Variants in TSR1 observed in about 807,000 individuals in gnomAD.
TSR1 encodes the protein TSR1 ribosome maturation factor.
A neutral mutation model predicts 90.9 loss-of-function variants in TSR1; 81 were observed. The observed-to-expected ratio is 0.89, with a 90% CI of 0.74 to 1.07. TSR1 has a LOEUF of 1.07. Ranked by LOEUF, TSR1 falls within the 50% of genes least tolerant of loss-of-function variation. The pLI is 0.00. For missense variants in TSR1, 989 were observed against 987.3 expected, an observed-to-expected ratio of 1.00 and a Z score of -0.02; for synonymous variants, 362 against 348.8, an observed-to-expected ratio of 1.04 and a Z score of -0.42.
chr17:2,329,960 C>T (rs1276974586), intron 10 of TSR1, among the ~76,000 whole-genome samples: 1 of 151,944 alleles, frequency 6.6e-6, no homozygotes, highest in African/African-American at 2.4e-5. Context: ...GCTCTTGTTG[C>T]CCAGGCTGGA....
Position 2,335,659 on chromosome 17 carries a change from G to A in TSR1, c.273C>T (p.His91=). Residue 91 remains histidine (H), a synonymous_variant, in exon 3 of 15, where the codon CAC becomes CAT. Coordinates refer to ENST00000301364, the MANE Select transcript of TSR1 (RefSeq NM_018128.5). The part of the protein sequence containing the change: ...PPHQVLVVPL[H]SRISLPEAMQ... The stretch of plus-strand genomic sequence containing the variant: ...TGGCCTCTGGCAGGGAAATTCTGCT[G>A]TGCAGGGGCACCACCAGTACCTGAT... 1 of 1,614,120 alleles carries A rather than the reference G, an allele frequency of 6.2e-7. No individual in the cohort carries two copies. Among genetic ancestry groups the A allele is most frequent in the Non-Finnish European group, 8.5e-7 (1 of 1,180,032 alleles).
At chr17:2,330,749 G>T in intron 9 of TSR1, 124 bp from the exon 10 acceptor site, 1 of 1,136,346 alleles carries the variant, frequency 8.8e-7, no homozygotes, top group Non-Finnish European at 1.3e-6. Context: ...CATCCTTCAA[G>T]ATGCTTCATT....
intron 10 of TSR1, chr17:2,330,139 G>A (rs890514062): frequency 2.4e-5 from 10 of 412,640 alleles, no homozygotes; most frequent in Admixed American, 5.7e-5. Flanking sequence ...GGCTGGTCTC[G>A]AACTCCCGAC....
chr17:2,328,321 C>T (rs1338062317), intron 11 of TSR1, among the ~76,000 whole-genome samples: 2 of 150,838 alleles, frequency 1.3e-5, no homozygotes, highest in Admixed American at 6.6e-5. Flanking sequence ...CCGAGGTGGG[C>T]GGATCACCTG....
Position 2,332,255 on chromosome 17 carries a change from T to C in TSR1, c.1410A>G (p.Lys470=). ...TTTCTTGTTTATATTTCTCCAACATTTTTGCCTCAGCTTCTTCATCTACTT... is the reference window on the plus strand; with the variant it reads ...TTTCTTGTTTATATTTCTCCAACATCTTTGCCTCAGCTTCTTCATCTACTT... ...DKKVDEEAEA[K]MLEKYKQERL... is the part of the protein sequence containing the mutation. The change falls in exon 8 of 15, where the codon AAA becomes AAG. Residue 470 remains lysine (K), a synonymous_variant. Transcript: ENST00000301364. The C allele has an allele frequency of 2.5e-6, 4 of 1,614,142 alleles. No homozygotes were observed. The highest frequency in any genetic ancestry group is 1.6e-4 in the Middle Eastern group (1 of 6,062).
At position 2,323,923 on chromosome 17, in the gene TSR1, CA is replaced by C. The variant is rs766887655; in HGVS notation, c.*272del. 9.9e-6 allele frequency: 15 copies of C among 1,515,800 alleles called. No homozygotes were observed. In the East Asian group the frequency reaches 2.5e-4, roughly 25 times the overall value. The allele number at this position is 1,515,800 out of a possible 1,614,324, so 93.9% of individuals were successfully genotyped here. On this transcript the variant is annotated 3_prime_UTR_variant, in exon 15 of 15. Transcript: ENST00000301364. ...ATTCAGTGTCTTTAGATACTGAAGA[CA>C]TTTTGTTTCCTAGTATTGTCAACTC...
intron 3 of TSR1, 53 bp from the exon 4 acceptor site, chr17:2,335,447 T>TAA (rs776757233): frequency 0.074 from 107,902 of 1,449,698 alleles, 1,157 homozygotes; most frequent in East Asian, 0.28. Context: ...CACATTATTC[T>TAA]AAAAAAAAAA....
At chr17:2,336,245 C>T (rs1211338807) in intron 1 of TSR1, 86 bp downstream of exon 1, 1 of 1,602,630 alleles carries the variant, frequency 6.2e-7, no homozygotes. Flanking sequence ...GGAGCCCAGA[C>T]GGGAGACAGA....
intron 4 of TSR1, 140 bp downstream of exon 4, chr17:2,335,120 G>T: frequency 9.0e-7 from 1 of 1,111,068 alleles, no homozygotes; most frequent in Non-Finnish European, 1.3e-6. Context: ...GTGATAATCT[G>T]TAAACAATGG....
chr17:2,327,279 T>C (rs557243821), intron 11 of TSR1, among the ~76,000 whole-genome samples: 1 of 151,804 alleles, frequency 6.6e-6, no homozygotes, highest in Non-Finnish European at 1.5e-5. Context: ...TAGCTGGGCG[T>C]GGTGGCAGAC....
intron 4 of TSR1, 134 bp downstream of exon 4, chr17:2,335,126 A>G: frequency 1.8e-6 from 2 of 1,126,806 alleles, no homozygotes; most frequent in Non-Finnish European, 2.5e-6. Context: ...ATCTGTAAAC[A>G]ATGGATCAAG....
Position 2,323,253 on chromosome 17 carries a change from G to A in TSR1, c.*943C>T, listed in dbSNP as rs1474731969. 1 of 1,614,212 alleles carries A rather than the reference G, an allele frequency of 6.2e-7. No individual in the cohort carries two copies. The highest frequency in any genetic ancestry group is 1.7e-5 in the Admixed American group (1 of 60,026). On this transcript the variant is annotated 3_prime_UTR_variant, in exon 15 of 15. Transcript: ENST00000301364. ...TCTTTATCCTCCAGAAACCATAGCA[G>A]ATGGTGTCAAATCCAGCATTGGCTT...
Position 2,329,512 on chromosome 17 carries a change from T to C in TSR1, c.1771-37A>G, listed in dbSNP as rs147273365. 8.7e-4 allele frequency: 1,398 copies of C among 1,610,776 alleles called. 1 individual carries two copies. Among genetic ancestry groups the C allele is most frequent in the Non-Finnish European group, 1.1e-3 (1,314 of 1,178,738 alleles). Reference sequence around the variant, plus strand: ...GTAAGAAAAACAAAAATCTTCATAGTCTAGGAATACAATTGCCTAAACTGA... The same window carrying C: ...GTAAGAAAAACAAAAATCTTCATAGCCTAGGAATACAATTGCCTAAACTGA... On this transcript the variant is annotated intron_variant, in intron 10 of 14. Transcript: ENST00000301364.
chr17:2,336,024 C>T lies in TSR1; in HGVS notation c.201+13G>A. The T allele has an allele frequency of 1.2e-6, 2 of 1,613,918 alleles. No homozygotes were observed. Among genetic ancestry groups the T allele is most frequent in the Non-Finnish European group, 1.7e-6 (2 of 1,179,848 alleles). ...CAGAGAAGCCGCATTCTCCCAAATC[C>T]CGCTCCTCTCACCGCCTCCTTCTTC... On this transcript the variant is annotated intron_variant, in intron 2 of 14. Transcript: ENST00000301364.
chr17:2,334,962 C>T, intron 4 of TSR1, 66 bp from the exon 5 acceptor site: 3 of 1,507,946 alleles, frequency 2.0e-6, no homozygotes, highest in Non-Finnish European at 2.7e-6. Context: ...CTCTGCAGTT[C>T]ACAAACAACC....
chr17:2,334,951 C>T (rs1364518225), intron 4 of TSR1, 55 bp from the exon 5 acceptor site: 2 of 1,542,902 alleles, frequency 1.3e-6, no homozygotes, highest in Admixed American at 1.9e-5. Context: ...CATAAAAATC[C>T]CTCTGCAGTT....
rs772583364 is a variant in TSR1, at chr17:2,334,673, A to C, written c.780T>G (p.Phe260Leu). Residue 260 changes from phenylalanine to leucine, a missense_variant, in exon 5 of 15, where the codon TTT (phenylalanine) becomes TTG (leucine). Transcript: ENST00000301364. ...RAYLFAHAVD[F>L]VPSEENNLVG... is the part of the protein sequence containing the mutation. ...CCAAGTTATTCTCTTCACTAGGAAC[A>C]AAATCAACAGCATGGGCAAATAGGT... 8 of 1,613,596 alleles carry C rather than the reference A, an allele frequency of 5.0e-6. No individual in the cohort carries two copies. In the Admixed American group the frequency reaches 1.3e-4, roughly 27 times the overall value.
rs62066968 is a variant in TSR1 at position 2,332,175 on chromosome 17, C to T, written c.1490G>A (p.Arg497Gln). The change falls in exon 8 of 15, where the codon CGA becomes CAA. Residue 497 changes from arginine (R) to glutamine (Q), a missense_variant. Physicochemically the swap from Arg to Gln is conservative, Grantham distance 43 (BLOSUM62 1). Transcript: ENST00000301364. ...GATAGACTTGTTGACTAACCGAATT[C>T]GAGCAGCCACATCACGGGGCGTGTC... is the stretch of plus-strand genomic sequence containing the variant. ...EVDTPRDVAA[R>Q]IRFQKYRGLK... The T allele has an allele frequency of 4.5e-3, 7,191 of 1,611,066 alleles. 33 individuals carry two copies. The highest frequency in any genetic ancestry group is 6.4e-3 in the Admixed American group (378 of 58,892).
At chr17:2,332,522 TAC>T (rs796588451) in intron 7 of TSR1, among the ~76,000 whole-genome samples, 163 bp from the exon 8 acceptor site, 1 of 152,298 alleles carries the variant, frequency 6.6e-6, no homozygotes, top group African/African-American at 2.4e-5. Context: ...TCCTGGCAAC[TAC>T]AGAGTCATTC....
Sources: allele counts gnomAD v4.1 joint callset (sites outside exome capture counted in the v4.1 genomes callset), GRCh38; gene constraint gnomAD v4.1.1; transcripts MANE v1.5; gene names NCBI Gene and HGNC (gene_info 2026-07-23, HGNC 2026-07-21).